SLC22A13: variants seen among roughly 807,000 people sequenced by gnomAD.
The protein encoded by SLC22A13 is solute carrier family 22 member 13, also known as organic anion transporter 10.
In SLC22A13, 42 loss-of-function variants were observed where a neutral mutation model predicts 49.1. The observed-to-expected ratio is 0.85, with a 90% CI of 0.67 to 1.11. The LOEUF is 1.11. SLC22A13 is among the 50% of genes least tolerant of loss of function. SLC22A13 has a pLI of 0.00. For missense variants in SLC22A13, 694 were observed against 712.8 expected, an observed-to-expected ratio of 0.97 and a Z score of 0.30; for synonymous variants, 282 against 293.1, an observed-to-expected ratio of 0.96 and a Z score of 0.39.
rs752860468 is a variant in SLC22A13, at chr3:38,266,093, G to A, written c.233G>A (p.Gly78Asp). 14 of 1,614,120 alleles carry A rather than the reference G, an allele frequency of 8.7e-6. No homozygotes were observed. The highest frequency in any genetic ancestry group is 1.2e-5 in the Non-Finnish European group (14 of 1,180,036). The change falls in exon 1 of 10, where the codon GGT (glycine) becomes GAT (aspartate). Residue 78 changes from glycine to aspartate, a missense_variant. Gly to Asp is a moderately conservative substitution (Grantham distance 94, BLOSUM62 -1). Coordinates refer to ENST00000311856, the MANE Select transcript of SLC22A13 (RefSeq NM_004256.4). ...LVLSVPLDTA[G>D]HPEPCLMFRP... The stretch of plus-strand genomic sequence containing the variant: ...CTGAGCGTGCCCCTGGACACTGCAG[G>A]TCACCCAGAGCCCTGCCTCATGTTC...
chr3:38,275,230 C>T, intron 4 of SLC22A13, 73 bp downstream of exon 4: 1 of 1,590,978 alleles, frequency 6.3e-7, no homozygotes, highest in Non-Finnish European at 8.6e-7. Flanking sequence ...GTGCAGCACC[C>T]ATGTTCATAG....
At chr3:38,270,305 T>C (rs1175396663) in intron 1 of SLC22A13, 4 of 196,654 alleles carry the variant, frequency 2.0e-5, no homozygotes, top group Non-Finnish European at 2.2e-5. Flanking sequence ...TCTCTGTGAG[T>C]GCAGAATGCT....
At chr3:38,269,844 C>T (rs1317323260) in intron 1 of SLC22A13, among the ~76,000 whole-genome samples, 1 of 151,460 alleles carries the variant, frequency 6.6e-6, no homozygotes, top group Non-Finnish European at 1.5e-5. Flanking sequence ...TTAGGTATAT[C>T]TCCTACAGCT....
At chr3:38,277,268 C>A in intron 9 of SLC22A13, 104 bp from the exon 10 acceptor site, 1 of 1,138,134 alleles carries the variant, frequency 8.8e-7, no homozygotes, top group Non-Finnish European at 1.3e-6. Context: ...AGACATCTGG[C>A]TGGCTTTAGT....
Position 38,268,690 on chromosome 3 carries a change from A to C in SLC22A13, c.378+2452A>C, listed in dbSNP as rs116200643. On this transcript the variant is annotated intron_variant, in intron 1 of 9. Coordinates refer to ENST00000311856, the MANE Select transcript of SLC22A13 (RefSeq NM_004256.4). ...AAGTTACAGTCACGTATATAGGGCA[A>C]GAAATGAGGAAGGGCAAGACAGACT... 4.2e-3 allele frequency among the ~76,000 whole-genome samples: 637 copies of C among 152,354 alleles called. 8 individuals are homozygous for C. Among genetic ancestry groups the C allele is most frequent in the African/African-American group, 0.015 (614 of 41,572 alleles).
At position 38,277,081 on chromosome 3, in the gene SLC22A13, G is replaced by A. The variant is rs1379760416; in HGVS notation, c.1516G>A (p.Gly506Ser). The change falls in exon 9 of 10, where the codon GGC (glycine) becomes AGC (serine). Residue 506 changes from glycine to serine, a missense_variant. Transcript: ENST00000311856. ...CCTGCTGCCAGAGACGCATGGCCAG[G>A]GCCTGAAAGACACCCTCCAGGACCT... Reference protein sequence around the residue: ...CTLLPETHGQGLKDTLQDLEL... With the variant: ...CTLLPETHGQSLKDTLQDLEL... 1 of 1,581,766 alleles carries A rather than the reference G, an allele frequency of 6.3e-7. No homozygotes were observed.
At chr3:38,276,794 G>A (rs1703589430) in intron 8 of SLC22A13, 118 bp from the exon 9 acceptor site, 2 of 846,980 alleles carry the variant, frequency 2.4e-6, no homozygotes, top group Admixed American at 2.3e-5. Flanking sequence ...TGGGCTGGGT[G>A]AGGCTGGAGA....
At position 38,277,583 on chromosome 3, in the gene SLC22A13, A is replaced by G; in HGVS notation, c.*118A>G. 4.3e-6 allele frequency: 3 copies of G among 693,622 alleles called. No individual in the cohort carries two copies. In the East Asian group the frequency reaches 8.4e-5, roughly 19 times the overall value. The allele number at this position is 693,622 out of a possible 1,614,324, so 43.0% of individuals were successfully genotyped here. A position where few individuals can be genotyped will look rare whatever the true frequency, so the allele number is the denominator to read the frequency against. On this transcript the variant is annotated 3_prime_UTR_variant, in exon 10 of 10. Transcript: ENST00000311856. ...CCAGCCTTGCTTATGGAGGCAGGAC[A>G]CCACAATCTGGCCCATGGCTGTCAC...
chr3:38,274,441 C>T (rs555602072), intron 2 of SLC22A13, 66 bp downstream of exon 2: 36 of 1,450,550 alleles, frequency 2.5e-5, no homozygotes, highest in Middle Eastern at 1.7e-4. Context: ...GGCCCAAGTC[C>T]CCCTTATGCC....
intron 1 of SLC22A13, among the ~76,000 whole-genome samples, chr3:38,268,812 G>A (rs1703488941): frequency 6.6e-6 from 1 of 152,156 alleles, no homozygotes; most frequent in Non-Finnish European, 1.5e-5. Context: ...GGTGGGGAAT[G>A]TGTTTTCTAA....
rs1287740399 is a variant in SLC22A13 at position 38,275,922 on chromosome 3, G to A, written c.1063G>A (p.Val355Met). 1.2e-6 allele frequency: 2 copies of A among 1,614,122 alleles called. No homozygotes were observed. Among genetic ancestry groups the A allele is most frequent in the African/African-American group, 2.7e-5 (2 of 74,948 alleles). The change falls in exon 7 of 10, where the codon GTG (valine) becomes ATG (methionine). Residue 355 changes from valine to methionine, a missense_variant. Transcript: ENST00000311856. ...GGGGTACTACGGCCTGAGCCTCCAA[G>A]TGGGGGACTTCGGCCTGGACGTCTA... ...SLGYYGLSLQ[V>M]GDFGLDVYLT...
Position 38,274,611 on chromosome 3 carries a change from C to T in SLC22A13, c.490C>T (p.Arg164Cys), listed in dbSNP as rs757006397. Residue 164 changes from arginine (R) to cysteine (C), a missense_variant, in exon 3 of 10, where the codon CGC (arginine) becomes TGC (cysteine). Arg to Cys is a radical substitution (Grantham distance 180, BLOSUM62 -3). Coordinates refer to ENST00000311856, the MANE Select transcript of SLC22A13 (RefSeq NM_004256.4). ...CCTGCCCTGTTTCCTCAGGATTGGCCGCAAGGCCACAATCCTGGCGCAGCT... is the reference window on the plus strand; with the variant it reads ...CCTGCCCTGTTTCCTCAGGATTGGCTGCAAGGCCACAATCCTGGCGCAGCT... ...MFGPLCDRIGRKATILAQLLL... is the reference protein window; with the variant it reads ...MFGPLCDRIGCKATILAQLLL... 40 of 1,613,360 alleles carry T rather than the reference C, an allele frequency of 2.5e-5. No homozygotes were observed. The highest frequency in any genetic ancestry group is 3.3e-4 in the Middle Eastern group (2 of 6,082).
At chr3:38,276,181 C>T in intron 7 of SLC22A13, 85 bp downstream of exon 7, 1 of 1,507,056 alleles carries the variant, frequency 6.6e-7, no homozygotes, top group South Asian at 1.2e-5. Flanking sequence ...GTTCTGCTTC[C>T]AGGAGTAAAG....
In SLC22A13 at chr3:38,276,301, G is replaced by T. The variant is rs776175120; in HGVS notation, c.1252G>T (p.Val418Phe). Residue 418 changes from valine (V) to phenylalanine (F), a missense_variant, in exon 8 of 10, where the codon GTC (valine) becomes TTC (phenylalanine). Transcript: ENST00000311856. ...IFIPADLPVV[V>F]TMLAVVGKMA... Reference sequence around the variant, plus strand: ...CCCTCTGCCAGATCTGCCCGTGGTGGTCACCATGCTGGCTGTGGTGGGGAA... The same window carrying T: ...CCCTCTGCCAGATCTGCCCGTGGTGTTCACCATGCTGGCTGTGGTGGGGAA... The T allele has an allele frequency of 1.2e-6, 2 of 1,613,006 alleles. No individual in the cohort carries two copies. Among genetic ancestry groups the T allele is most frequent in the Non-Finnish European group, 1.7e-6 (2 of 1,179,394 alleles).
Position 38,274,778 on chromosome 3 carries a change from A to G in SLC22A13, c.637+20A>G. On this transcript the variant is annotated intron_variant, in intron 3 of 9. Transcript: ENST00000311856. ...CCCTACGTGAGTGTCTGGGCCCTGG[A>G]GCCTTCAGCCATAGGGTGAGGCCCA... 6.2e-7 allele frequency: 1 copy of G among 1,607,992 alleles called. No individual in the cohort carries two copies. Among genetic ancestry groups the G allele is most frequent in the East Asian group, 2.2e-5 (1 of 44,780 alleles).
chr3:38,276,153 G>A, intron 7 of SLC22A13, 57 bp downstream of exon 7: 1 of 1,540,078 alleles, frequency 6.5e-7, no homozygotes, highest in Non-Finnish European at 8.9e-7. Flanking sequence ...GCTGCCAGGG[G>A]CTAGACCAGT....
rs745763289 is a variant in SLC22A13, at chr3:38,266,008, T to C, written c.148T>C (p.Cys50Arg). ...VFMVLDEPHH[C>R]AVAWVKNHTF... ...CATGGTCCTAGATGAGCCCCACCACTGTGCAGTGGCTTGGGTGAAGAACCA... is the reference window on the plus strand; with the variant it reads ...CATGGTCCTAGATGAGCCCCACCACCGTGCAGTGGCTTGGGTGAAGAACCA... The change falls in exon 1 of 10, where the codon TGT becomes CGT. Residue 50 changes from cysteine (C) to arginine (R), a missense_variant. Physicochemically the swap from Cys to Arg is radical, Grantham distance 180 (BLOSUM62 -3). Coordinates refer to ENST00000311856, the MANE Select transcript of SLC22A13 (RefSeq NM_004256.4). 1 of 1,614,180 alleles carries C rather than the reference T, an allele frequency of 6.2e-7. No homozygotes were observed. Among genetic ancestry groups the C allele is most frequent in the Non-Finnish European group, 8.5e-7 (1 of 1,180,024 alleles).
intron 1 of SLC22A13, among the ~76,000 whole-genome samples, chr3:38,269,419 G>A (rs1488334485): frequency 6.6e-6 from 1 of 151,994 alleles, no homozygotes; most frequent in Non-Finnish European, 1.5e-5. Context: ...CACCATGCCC[G>A]GCTAATTTTT....
In SLC22A13 at chr3:38,275,505, C is replaced by T. The variant is rs1422252445; in HGVS notation, c.927+15C>T. 1 of 1,613,970 alleles carries T rather than the reference C, an allele frequency of 6.2e-7. No homozygotes were observed. Among genetic ancestry groups the T allele is most frequent in the East Asian group, 2.2e-5 (1 of 44,888 alleles). ...TCATGAACCAGGTACTTCCAGCAGGCCCAGGCCCAGGCCCAGAATCAGACC... is the reference window on the plus strand; with the variant it reads ...TCATGAACCAGGTACTTCCAGCAGGTCCAGGCCCAGGCCCAGAATCAGACC... On this transcript the variant is annotated intron_variant, in intron 5 of 9. Transcript: ENST00000311856.
Sources: gnomAD v4.1 joint callset for allele counts (sites outside exome capture counted in the v4.1 genomes callset) on GRCh38, gnomAD v4.1.1 for gene constraint, MANE v1.5 for transcripts, NCBI Gene and HGNC (gene_info 2026-07-23, HGNC 2026-07-21) for gene names.